KHDRBS2: variants seen among roughly 807,000 people sequenced by gnomAD.
KHDRBS2 encodes the protein KH RNA binding domain containing, signal transduction associated 2, also known as KH domain-containing, RNA-binding, signal transduction-associated protein 2.
KHDRBS2 carries 26 observed loss-of-function variants against 44.3 expected under a neutral mutation model. That is an observed-to-expected ratio of 0.59 (90% CI 0.43 to 0.81). The LOEUF (loss-of-function observed/expected upper bound fraction) is 0.81. Ranked by LOEUF, KHDRBS2 falls within the 40% of genes least tolerant of loss-of-function variation. The pLI is 0.00. For synonymous variants in KHDRBS2, 194 were observed against 151.1 expected, an observed-to-expected ratio of 1.28 and a Z score of -2.08; for missense variants, 476 against 433.1, an observed-to-expected ratio of 1.10 and a Z score of -0.88.
At chr6:61,760,609 G>A (rs1475308696) in intron 6 of KHDRBS2, among the ~76,000 whole-genome samples, 2 of 151,392 alleles carry the variant, frequency 1.3e-5, no homozygotes, top group Non-Finnish European at 2.9e-5. Flanking sequence ...TCCAGCCTGG[G>A]CAACAGAGTG....
intron 6 of KHDRBS2, among the ~76,000 whole-genome samples, chr6:61,882,048 G>T (rs1800281899): frequency 6.6e-6 from 1 of 152,022 alleles, no homozygotes; most frequent in Non-Finnish European, 1.5e-5. Flanking sequence ...CTGCACAAGA[G>T]GAAGAAAGTG....
At chr6:62,255,349 G>T (rs981784884) in intron 1 of KHDRBS2, among the ~76,000 whole-genome samples, 4 of 151,970 alleles carry the variant, frequency 2.6e-5, no homozygotes, top group African/African-American at 9.7e-5. Context: ...TTGTTATTTT[G>T]ATTGGATGCT....
At chr6:61,936,452 C>T (rs1811044013) in intron 4 of KHDRBS2, among the ~76,000 whole-genome samples, 1 of 151,934 alleles carries the variant, frequency 6.6e-6, no homozygotes, top group South Asian at 2.1e-4. Flanking sequence ...TAGTGTTATC[C>T]TGTATCTCCC....
At chr6:62,039,227 T>C (rs944733012) in intron 3 of KHDRBS2, among the ~76,000 whole-genome samples, 1 of 147,472 alleles carries the variant, frequency 6.8e-6, no homozygotes, top group Non-Finnish European at 1.5e-5. Flanking sequence ...TAAAATAACA[T>C]GTACATATCT....
intron 4 of KHDRBS2, among the ~76,000 whole-genome samples, chr6:61,954,532 G>A (rs986697327): frequency 2.4e-4 from 35 of 145,774 alleles, no homozygotes; most frequent in Non-Finnish European, 4.8e-4. Context: ...ACATACATAC[G>A]TATGTATACA....
chr6:62,102,128 C>T (rs1487367826), intron 2 of KHDRBS2, among the ~76,000 whole-genome samples: 1 of 152,040 alleles, frequency 6.6e-6, no homozygotes, highest in Non-Finnish European at 1.5e-5. Context: ...TAATAATGAA[C>T]TATATTCTAA....
intron 4 of KHDRBS2, among the ~76,000 whole-genome samples, chr6:61,903,895 T>C (rs181462360): frequency 3.3e-5 from 5 of 152,274 alleles, no homozygotes; most frequent in South Asian, 2.1e-4. Context: ...ACAGTGAGGA[T>C]TGAATCTCCA....
chr6:62,178,976 T>C (rs1201941404), intron 1 of KHDRBS2, among the ~76,000 whole-genome samples: 1 of 151,610 alleles, frequency 6.6e-6, no homozygotes, highest in East Asian at 1.9e-4. Flanking sequence ...AAGGTCTGAC[T>C]ATTTCCAAAG....
chr6:62,205,412 A>G (rs1827780635), intron 1 of KHDRBS2, among the ~76,000 whole-genome samples: 1 of 152,138 alleles, frequency 6.6e-6, no homozygotes, highest in African/African-American at 2.4e-5. Flanking sequence ...TATCTTTCCT[A>G]TTAGATCCCC....
chr6:61,553,455 C>A, the KHDRBS2 span, among the ~76,000 whole-genome samples: 1 of 152,096 alleles, frequency 6.6e-6, no homozygotes, highest in South Asian at 2.1e-4. Context: ...AAACCAACAA[C>A]TCCTGGATTC....
At chr6:62,109,403 C>G (rs1228411248) in intron 2 of KHDRBS2, among the ~76,000 whole-genome samples, 1 of 151,600 alleles carries the variant, frequency 6.6e-6, no homozygotes, top group Non-Finnish European at 1.5e-5. Flanking sequence ...CTTAGTGGGA[C>G]AAGAGATTAT....
At chr6:61,544,153 G>A in the KHDRBS2 span, among the ~76,000 whole-genome samples, 3 of 151,968 alleles carry the variant, frequency 2.0e-5, no homozygotes, top group African/African-American at 7.2e-5. Context: ...TGAAGTGATA[G>A]ATATGCCATT....
At chr6:61,610,587 C>A in the KHDRBS2 span, among the ~76,000 whole-genome samples, 1 of 152,092 alleles carries the variant, frequency 6.6e-6, no homozygotes, top group African/African-American at 2.4e-5. Flanking sequence ...GGCTGCAGGT[C>A]TTAGTTCCTC....
chr6:61,629,529 C>T, the KHDRBS2 span, among the ~76,000 whole-genome samples: 3 of 152,078 alleles, frequency 2.0e-5, no homozygotes, highest in African/African-American at 7.2e-5. Flanking sequence ...AAGAGACATA[C>T]CTTGTGCAGA....
chr6:61,841,969 A>C (rs1220511178), intron 6 of KHDRBS2, among the ~76,000 whole-genome samples: 1 of 152,162 alleles, frequency 6.6e-6, no homozygotes, highest in Non-Finnish European at 1.5e-5. Context: ...ATGAGCTTTA[A>C]ACAATGCTAA....
At chr6:62,247,847 A>G (rs1004688794) in intron 1 of KHDRBS2, among the ~76,000 whole-genome samples, 9 of 151,326 alleles carry the variant, frequency 5.9e-5, no homozygotes, top group African/African-American at 2.2e-4. Context: ...ATAGGTAGGT[A>G]TTTTCTATTC....
chr6:61,977,429 A>G (rs1445261166), intron 4 of KHDRBS2, among the ~76,000 whole-genome samples: 1 of 152,190 alleles, frequency 6.6e-6, no homozygotes, highest in African/African-American at 2.4e-5. Context: ...GAATTCTACC[A>G]GTATGCAACC....
the KHDRBS2 span, among the ~76,000 whole-genome samples, chr6:61,553,034 G>T: frequency 6.6e-6 from 1 of 152,104 alleles, no homozygotes; most frequent in Non-Finnish European, 1.5e-5. Flanking sequence ...ACTTAGGGAG[G>T]ACTCCCTCTC....
At chr6:61,662,458 G>A in the KHDRBS2 span, among the ~76,000 whole-genome samples, 1 of 151,940 alleles carries the variant, frequency 6.6e-6, no homozygotes, top group East Asian at 1.9e-4. Context: ...AGAGTGAACA[G>A]GCAACCTACA....
Sources: allele counts gnomAD v4.1 joint callset (sites outside exome capture counted in the v4.1 genomes callset), GRCh38; gene constraint gnomAD v4.1.1; transcripts MANE v1.5; gene names NCBI Gene and HGNC (gene_info 2026-07-23, HGNC 2026-07-21).